Variants in SLAIN1 observed in about 807,000 individuals in gnomAD.
The protein encoded by SLAIN1 is SLAIN motif-containing protein 1.
SLAIN1 carries 17 observed loss-of-function variants against 55.4 expected under a neutral mutation model. That is an observed-to-expected ratio of 0.31 (90% CI 0.21 to 0.46). The LOEUF (loss-of-function observed/expected upper bound fraction) is 0.46, where lower values mean the gene tolerates loss of function less well. SLAIN1 is among the 20% of genes least tolerant of loss of function. The pLI is 1.00. For synonymous variants in SLAIN1, 348 were observed against 337.4 expected, an observed-to-expected ratio of 1.03 and a Z score of -0.35; for missense variants, 682 against 785.1, an observed-to-expected ratio of 0.87 and a Z score of 1.57.
chr13:77,706,880 T>G (rs569049461), intron 1 of SLAIN1, among the ~76,000 whole-genome samples: 26 of 152,346 alleles, frequency 1.7e-4, no homozygotes, highest in Non-Finnish European at 3.2e-4. Context: ...TAGCTTCTGT[T>G]ATGTTCTAGC....
chr13:77,745,038 A>G (rs148685664), intron 3 of SLAIN1, among the ~76,000 whole-genome samples: 33 of 152,208 alleles, frequency 2.2e-4, no homozygotes, highest in Non-Finnish European at 4.1e-4. Context: ...ACAAAATGTT[A>G]GGAACAGAGG....
intron 2 of SLAIN1, among the ~76,000 whole-genome samples, chr13:77,740,899 C>A (rs1183843232): frequency 1.3e-5 from 2 of 152,034 alleles, no homozygotes; most frequent in African/African-American, 4.8e-5. Flanking sequence ...ACTAGTGGAG[C>A]ATTATTGTTT....
chr13:77,701,958 C>T (rs923755112), intron 1 of SLAIN1, among the ~76,000 whole-genome samples: 1 of 140,324 alleles, frequency 7.1e-6, no homozygotes, highest in Admixed American at 7.5e-5. Flanking sequence ...TGATATTCCC[C>T]TTCCTGTGTC....
intron 2 of SLAIN1, among the ~76,000 whole-genome samples, chr13:77,723,286 A>G (rs1391622947): frequency 2.0e-5 from 3 of 152,160 alleles, no homozygotes. Context: ...CTGAAGAGCC[A>G]TCATGGTGGG....
intron 5 of SLAIN1, among the ~76,000 whole-genome samples, chr13:77,758,811 C>T (rs1030576266): frequency 1.3e-5 from 2 of 152,152 alleles, no homozygotes; most frequent in African/African-American, 4.8e-5. Flanking sequence ...CAGTACCATG[C>T]TGTTTTGGTA....
At chr13:77,712,340 C>T (rs1005608865) in intron 1 of SLAIN1, among the ~76,000 whole-genome samples, 4 of 152,132 alleles carry the variant, frequency 2.6e-5, no homozygotes, top group Non-Finnish European at 5.9e-5. Flanking sequence ...AGCCCAAAAT[C>T]ACCTTAAGCT....
At chr13:77,702,386 T>G (rs2091039953) in intron 1 of SLAIN1, among the ~76,000 whole-genome samples, 1 of 152,134 alleles carries the variant, frequency 6.6e-6, no homozygotes, top group African/African-American at 2.4e-5. Context: ...GACTAAAATA[T>G]CCATGCATAC....
chr13:77,723,846 C>T (rs953322693), intron 2 of SLAIN1, among the ~76,000 whole-genome samples: 2 of 151,852 alleles, frequency 1.3e-5, no homozygotes, highest in Non-Finnish European at 2.9e-5. Context: ...GGGTCAGAAT[C>T]GCCTAGATTG....
intron 1 of SLAIN1, among the ~76,000 whole-genome samples, chr13:77,706,689 G>T (rs1277928249): frequency 6.6e-6 from 1 of 152,022 alleles, no homozygotes; most frequent in African/African-American, 2.4e-5. Context: ...TATTCTCTTA[G>T]GTGGGGCACA....
chr13:77,731,011 AGAAGT>A (rs1406143508), intron 2 of SLAIN1, among the ~76,000 whole-genome samples: 6 of 152,194 alleles, frequency 3.9e-5, no homozygotes, highest in Admixed American at 2.6e-4. Flanking sequence ...AAAATATGAG[AGAAGT>A]GAGGGGACAA....
intron 2 of SLAIN1, among the ~76,000 whole-genome samples, chr13:77,737,594 C>T (rs1238394480): frequency 1.3e-5 from 2 of 152,080 alleles, no homozygotes; most frequent in Non-Finnish European, 2.9e-5. Context: ...CCTGATTGTA[C>T]ACTGCTCTTT....
Position 77,698,769 on chromosome 13 carries a change from C to G in SLAIN1, c.626+230C>G. 1 of 1,191,254 alleles carries G rather than the reference C, an allele frequency of 8.4e-7. No individual in the cohort carries two copies. Among genetic ancestry groups the G allele is most frequent in the Middle Eastern group, 3.0e-4 (1 of 3,338 alleles). The allele number at this position is 1,191,254 out of a possible 1,614,324, so 73.8% of individuals were successfully genotyped here. ...TCTAATCGCTCCGACTGCGGATGAA[C>G]CGGCCCCCCCTTCCCCCCATCTGCC... On this transcript the variant is annotated intron_variant, in intron 1 of 6. Coordinates refer to ENST00000418532, the MANE Select transcript of SLAIN1 (RefSeq NM_001242868.2). This position sits in a 1 kb window ranked among gnomAD's most constrained non-coding sequence, Gnocchi z 4.1.
intron 2 of SLAIN1, 128 bp from the exon 3 acceptor site, chr13:77,744,155 T>G: frequency 1.4e-6 from 1 of 731,906 alleles, no homozygotes; most frequent in Non-Finnish European, 2.5e-6. Context: ...CATTAAATGG[T>G]GACATGTTGG....
chr13:77,716,939 G>C (rs2091213890), intron 1 of SLAIN1, among the ~76,000 whole-genome samples: 1 of 152,128 alleles, frequency 6.6e-6, no homozygotes, highest in African/African-American at 2.4e-5. Flanking sequence ...GTCTGTGTCT[G>C]TTTGATATCA....
At chr13:77,762,570 A>T (rs757525474) in intron 6 of SLAIN1, among the ~76,000 whole-genome samples, 1 of 143,606 alleles carries the variant, frequency 7.0e-6, no homozygotes. Flanking sequence ...AGATAATTTG[A>T]AAAAAAAATT....
intron 1 of SLAIN1, chr13:77,699,019 T>A (rs562879544): frequency 2.6e-6 from 4 of 1,535,354 alleles, no homozygotes; most frequent in Admixed American, 2.0e-5. Context: ...TCGGGTGGCA[T>A]CGGAAGCCGC....
intron 4 of SLAIN1, among the ~76,000 whole-genome samples, chr13:77,748,424 T>TA (rs869034926): frequency 1.4e-5 from 2 of 140,270 alleles, no homozygotes; most frequent in African/African-American, 5.4e-5. Flanking sequence ...TTTTTTTTTT[T>TA]ACTTAAAGTG....
At chr13:77,721,953 A>G (rs1344811029) in intron 2 of SLAIN1, among the ~76,000 whole-genome samples, 1 of 147,960 alleles carries the variant, frequency 6.8e-6, no homozygotes, top group African/African-American at 2.5e-5. Context: ...ACATATAAGC[A>G]TTATGTCATT....
chr13:77,706,463 C>T (rs559850583), intron 1 of SLAIN1, among the ~76,000 whole-genome samples: 1 of 152,196 alleles, frequency 6.6e-6, no homozygotes, highest in African/African-American at 2.4e-5. Flanking sequence ...CATAAAATCC[C>T]TCATTAAGGT....
Sources: allele counts gnomAD v4.1 joint callset (sites outside exome capture counted in the v4.1 genomes callset), GRCh38; gene constraint gnomAD v4.1.1; non-coding constraint Gnocchi (gnomAD v3.1); transcripts MANE v1.5; gene names NCBI Gene and HGNC (gene_info 2026-07-23, HGNC 2026-07-21).